The following FKTN variants were observed in gnomAD, a reference collection of about 807,000 sequenced individuals.
The protein encoded by FKTN is ribitol-5-phosphate transferase FKTN.
Under a neutral mutation model 58.6 loss-of-function variants are expected in FKTN, and 47 were observed. The ratio of observed to expected loss-of-function variants is 0.80; its 90% CI spans 0.63 to 1.02. The LOEUF is 1.02. Ranked by LOEUF, FKTN falls within the 50% of genes least tolerant of loss-of-function variation. FKTN has a pLI of 0.00. For missense variants in FKTN, 516 were observed against 537.3 expected (o/e 0.96, Z 0.39); for synonymous variants, 178 against 191.9 (o/e 0.93, Z 0.60).
intron 1 of FKTN, among the ~76,000 whole-genome samples, chr9:105,564,691 C>T (rs894411040): frequency 1.3e-5 from 2 of 152,158 alleles, no homozygotes; most frequent in African/African-American, 2.4e-5. Flanking sequence ...CTGAAAGTGA[C>T]AGGGAGAATG....
chr9:105,622,752 C>T (rs900108422), intron 10 of FKTN, among the ~76,000 whole-genome samples: 41 of 151,960 alleles, frequency 2.7e-4, no homozygotes, highest in African/African-American at 9.9e-4. Context: ...TAGAACAGTA[C>T]CTGGCACATT....
chr9:105,591,343 ATTAG>A (rs1844833022), intron 3 of FKTN, among the ~76,000 whole-genome samples: 1 of 152,210 alleles, frequency 6.6e-6, no homozygotes, highest in Non-Finnish European at 1.5e-5. Context: ...AAAATAAAAA[ATTAG>A]TTAGTTACTC....
At chr9:105,579,169 G>T (rs999232476) in intron 3 of FKTN, among the ~76,000 whole-genome samples, 1 of 152,134 alleles carries the variant, frequency 6.6e-6, no homozygotes, top group Admixed American at 6.5e-5. Flanking sequence ...ATCTCCTGCA[G>T]TTCTGCTCTG....
chr9:105,583,698 A>G (rs908292719), intron 3 of FKTN, among the ~76,000 whole-genome samples: 2 of 152,198 alleles, frequency 1.3e-5, no homozygotes, highest in African/African-American at 4.8e-5. Flanking sequence ...ATAAATTAGT[A>G]CTTAATGTAT....
At position 105,604,435 on chromosome 9, in the gene FKTN, G is replaced by A. The variant is rs758295452; in HGVS notation, c.590G>A (p.Arg197Lys). ...TTGAGACTTAAAGAACACATTGACA[G>A]GAAATTTGTTCCCTTCCGAAAGTTA... is the stretch of plus-strand genomic sequence containing the variant. Reference protein sequence around the residue: ...GHLRLKEHIDRKFVPFRKLQF... With the variant: ...GHLRLKEHIDKKFVPFRKLQF... Residue 197 changes from arginine (R) to lysine (K), a missense_variant, in exon 6 of 11, where the codon AGG becomes AAG. Arg to Lys is a conservative substitution (Grantham distance 26, BLOSUM62 2). Coordinates refer to ENST00000357998, the MANE Select transcript of FKTN (RefSeq NM_001079802.2). 2 of 1,614,120 alleles carry A rather than the reference G, an allele frequency of 1.2e-6. No homozygotes were observed. Among genetic ancestry groups the A allele is most frequent in the Non-Finnish European group, 1.7e-6 (2 of 1,179,978 alleles).
intron 9 of FKTN, among the ~76,000 whole-genome samples, chr9:105,618,469 G>A (rs553963231): frequency 3.9e-5 from 6 of 152,214 alleles, no homozygotes; most frequent in South Asian, 2.1e-4. Flanking sequence ...CCCACCCGCC[G>A]TACCTGATTG....
At chr9:105,567,330 T>C (rs1296655208) in intron 1 of FKTN, among the ~76,000 whole-genome samples, 1 of 152,118 alleles carries the variant, frequency 6.6e-6, no homozygotes. Context: ...ATAAAAGATA[T>C]TTAGTTAGGA....
In FKTN at chr9:105,582,333, A is replaced by G. The variant is rs138235666; in HGVS notation, c.105+7196A>G. Among the ~76,000 whole-genome samples the G allele has an allele frequency of 9.1e-3, 1,381 of 152,288 alleles. 22 individuals are homozygous for G. The highest frequency in any genetic ancestry group is 0.032 in the African/African-American group (1,323 of 41,564). ...AATCTCCTGAGTTGTTAGGAGGACT[A>G]CAGGCACATGCCATCACGCCTGACT... On this transcript the variant is annotated intron_variant, in intron 3 of 10. Coordinates refer to ENST00000357998, the MANE Select transcript of FKTN (RefSeq NM_001079802.2).
Position 105,637,803 on chromosome 9 carries a change from C to T in FKTN, c.*2539C>T, listed in dbSNP as rs1415153578. On this transcript the variant is annotated 3_prime_UTR_variant, in exon 11 of 11. Transcript: ENST00000357998. ...CAGGACAACCAGGTAGTCACCCAGT[C>T]CTCTCTAAGCAGGGAGCACTTGTCC... is the stretch of plus-strand genomic sequence containing the variant. 1.3e-5 allele frequency: 13 copies of T among 985,090 alleles called. No individual in the cohort carries two copies. The highest frequency in any genetic ancestry group is 1.6e-5 in the Non-Finnish European group (13 of 829,794). The allele number at this position is 985,090 out of a possible 1,614,324, so 61.0% of individuals were successfully genotyped here.
At chr9:105,574,751 T>TA (rs897484311) in intron 2 of FKTN, among the ~76,000 whole-genome samples, 194 bp from the exon 3 acceptor site, 2 of 152,030 alleles carry the variant, frequency 1.3e-5, no homozygotes, top group East Asian at 1.9e-4. Flanking sequence ...TTTACAGTTA[T>TA]AAAAAAAAGT....
chr9:105,620,137 G>A (rs1021999352), intron 10 of FKTN, 76 bp downstream of exon 10: 57 of 1,364,188 alleles, frequency 4.2e-5, no homozygotes, highest in Non-Finnish European at 5.8e-5. Flanking sequence ...AGAAGTAACT[G>A]AAAAGAAAAC....
intron 10 of FKTN, among the ~76,000 whole-genome samples, chr9:105,628,080 G>C (rs1332790269): frequency 6.6e-6 from 1 of 152,162 alleles, no homozygotes; most frequent in Non-Finnish European, 1.5e-5. Context: ...GTCTCTCTCA[G>C]CTTCACAGAT....
Position 105,635,166 on chromosome 9 carries a change from C to G in FKTN, c.1288C>G (p.Pro430Ala), listed in dbSNP as rs1323661704. 6.2e-7 allele frequency: 1 copy of G among 1,614,038 alleles called. No homozygotes were observed. Among genetic ancestry groups the G allele is most frequent in the East Asian group, 2.2e-5 (1 of 44,894 alleles). Residue 430 changes from proline to alanine, a missense_variant, in exon 11 of 11, where the codon CCT becomes GCT. Coordinates refer to ENST00000357998, the MANE Select transcript of FKTN (RefSeq NM_001079802.2). ...CAACTATGGTAAGACCTGGAAGATTCCTGTAAAGACGTGGGACTGGAAGCG... is the reference window on the plus strand; with the variant it reads ...CAACTATGGTAAGACCTGGAAGATTGCTGTAAAGACGTGGGACTGGAAGCG... ...EANYGKTWKI[P>A]VKTWDWKRSP...
At chr9:105,601,682 A>G (rs1372863971) in intron 5 of FKTN, among the ~76,000 whole-genome samples, 1 of 152,172 alleles carries the variant, frequency 6.6e-6, no homozygotes, top group East Asian at 1.9e-4. Flanking sequence ...ATCCATGTTC[A>G]CAACAGGAAG....
chr9:105,605,638 C>A (rs530337813), intron 6 of FKTN, among the ~76,000 whole-genome samples: 9 of 152,070 alleles, frequency 5.9e-5, no homozygotes, highest in African/African-American at 2.2e-4. Flanking sequence ...AAGCCAGGCA[C>A]AGAAAGACAA....
chr9:105,572,059 A>T (rs988449767), intron 1 of FKTN, among the ~76,000 whole-genome samples: 15 of 152,144 alleles, frequency 9.9e-5, no homozygotes, highest in African/African-American at 3.6e-4. Context: ...GTTTTAACTG[A>T]ATACAAAAAC....
chr9:105,580,477 G>T (rs961932022), intron 3 of FKTN, among the ~76,000 whole-genome samples: 2 of 131,016 alleles, frequency 1.5e-5, no homozygotes, highest in Non-Finnish European at 3.2e-5. Flanking sequence ...TTTTCTTTAA[G>T]AATGTTGAAT....
chr9:105,629,370 T>C (rs141303906), intron 10 of FKTN, among the ~76,000 whole-genome samples: 52 of 152,288 alleles, frequency 3.4e-4, no homozygotes, highest in African/African-American at 1.2e-3. Flanking sequence ...ATGATAAACT[T>C]TGAGACTTTC....
chr9:105,614,034 T>A (rs748802906), intron 7 of FKTN, among the ~76,000 whole-genome samples: 44 of 152,094 alleles, frequency 2.9e-4, no homozygotes, highest in Non-Finnish European at 6.0e-4. Context: ...TGTGGTATAT[T>A]TGGGGGTTTA....
Sources: gnomAD v4.1 joint callset for allele counts (sites outside exome capture counted in the v4.1 genomes callset) on GRCh38, gnomAD v4.1.1 for gene constraint, MANE v1.5 for transcripts, NCBI Gene and HGNC (gene_info 2026-07-23, HGNC 2026-07-21) for gene names.